The following CGNL1 variants were observed in gnomAD, a reference collection of about 807,000 sequenced individuals.
The protein encoded by CGNL1 is cingulin-like protein 1.
A neutral mutation model predicts 141.2 loss-of-function variants in CGNL1; 132 were observed. The ratio of observed to expected loss-of-function variants is 0.93; its 90% CI spans 0.81 to 1.08. The LOEUF is 1.08. CGNL1 is among the 50% of genes least tolerant of loss of function. The pLI is 0.00. For synonymous variants in CGNL1, 690 were observed against 622.1 expected, an observed-to-expected ratio of 1.11 and a Z score of -1.63; for missense variants, 1,870 against 1,588.6, an observed-to-expected ratio of 1.18 and a Z score of -3.01.
At chr15:57,545,764 G>C (rs2032828824) in intron 17 of CGNL1, 64 bp downstream of exon 17, 1 of 1,372,210 alleles carries the variant, frequency 7.3e-7, no homozygotes, top group African/African-American at 1.4e-5. Context: ...GAGGGAGCAA[G>C]GGAGGCAAGG....
At chr15:57,434,492 A>C (rs2063081298) in intron 1 of CGNL1, among the ~76,000 whole-genome samples, 1 of 152,292 alleles carries the variant, frequency 6.6e-6, no homozygotes, top group African/African-American at 2.4e-5. Flanking sequence ...AAAGACATGA[A>C]TTTCCAAATT....
chr15:57,451,609 GT>G lies in CGNL1; in HGVS notation c.1905+13del. On this transcript the variant is annotated intron_variant, in intron 5 of 18. Coordinates refer to ENST00000281282, the MANE Select transcript of CGNL1 (RefSeq NM_032866.5). ...CTTCAACTGGAAGTCAAGGTATCTG[GT>G]TTTTCCTTTATGTTATTTTTTCCAT... 6.3e-7 allele frequency: 1 copy of G among 1,576,846 alleles called. No individual in the cohort carries two copies. Among genetic ancestry groups the G allele is most frequent in the South Asian group, 1.1e-5 (1 of 88,434 alleles).
chr15:57,440,055 G>A (rs1426247992), intron 2 of CGNL1, among the ~76,000 whole-genome samples: 1 of 151,460 alleles, frequency 6.6e-6, no homozygotes. Context: ...AATCTAAGTG[G>A]CACATTTAGT....
intron 7 of CGNL1, among the ~76,000 whole-genome samples, chr15:57,455,897 C>G (rs1434455676): frequency 6.6e-6 from 1 of 152,112 alleles, no homozygotes; most frequent in Non-Finnish European, 1.5e-5. Context: ...TTTTCTTAAA[C>G]CTGTTCGTGA....
At chr15:57,442,201 A>AAAAAAAAAAAAAAAAAAAAAAAAAC (rs2063197881) in intron 3 of CGNL1, among the ~76,000 whole-genome samples, 172 bp from the exon 4 acceptor site, 1 of 138,566 alleles carries the variant, frequency 7.2e-6, no homozygotes, top group African/African-American at 2.6e-5. Flanking sequence ...AAAAAAAAAA[A>AAAAAAAAAAAAAAAAAAAAAAAAAC]AAGACACCAT....
At chr15:57,479,288 C>CA (rs2152357948) in intron 8 of CGNL1, among the ~76,000 whole-genome samples, 1 of 152,202 alleles carries the variant, frequency 6.6e-6, no homozygotes, top group South Asian at 2.1e-4. Context: ...AAAAAGGGGT[C>CA]ATGGGAAAGG....
At chr15:57,432,058 G>C (rs530447487) in intron 1 of CGNL1, among the ~76,000 whole-genome samples, 1 of 152,324 alleles carries the variant, frequency 6.6e-6, no homozygotes, top group South Asian at 2.1e-4. Flanking sequence ...TGGTAAAATA[G>C]AATTACTTGT....
At chr15:57,540,932 T>C (rs564377270) in intron 14 of CGNL1, among the ~76,000 whole-genome samples, 87 of 152,338 alleles carry the variant, frequency 5.7e-4, no homozygotes, top group African/African-American at 1.9e-3. Flanking sequence ...CAATGTGGGT[T>C]TTCCCCAGGG....
At chr15:57,478,489 C>T (rs2063684802) in intron 8 of CGNL1, among the ~76,000 whole-genome samples, 1 of 152,214 alleles carries the variant, frequency 6.6e-6, no homozygotes, top group Non-Finnish European at 1.5e-5. Context: ...ATGGGATCCT[C>T]TCACTGTAGA....
chr15:57,498,030 G>A (rs2063966817), intron 8 of CGNL1, among the ~76,000 whole-genome samples: 1 of 152,126 alleles, frequency 6.6e-6, no homozygotes, highest in African/African-American at 2.4e-5. Flanking sequence ...ACTGTGGCAT[G>A]TGCTGTTTTT....
chr15:57,446,336 G>C (rs2063251071), intron 4 of CGNL1, among the ~76,000 whole-genome samples: 1 of 152,138 alleles, frequency 6.6e-6, no homozygotes, highest in African/African-American at 2.4e-5. Flanking sequence ...CCATCACCCA[G>C]GTTTCCTGGG....
At chr15:57,458,345 A>G (rs1234031481) in intron 7 of CGNL1, among the ~76,000 whole-genome samples, 5 of 152,206 alleles carry the variant, frequency 3.3e-5, no homozygotes, top group African/African-American at 1.2e-4. Flanking sequence ...AGTTTATGAA[A>G]CATCGTGTAC....
chr15:57,442,128 A>G (rs2063194960), intron 3 of CGNL1, among the ~76,000 whole-genome samples: 1 of 146,620 alleles, frequency 6.8e-6, no homozygotes, highest in Non-Finnish European at 1.5e-5. Flanking sequence ...TGCCTCTCAC[A>G]TATTTGCAAG....
intron 1 of CGNL1, among the ~76,000 whole-genome samples, chr15:57,410,606 A>T (rs957229724): frequency 9.2e-5 from 14 of 152,174 alleles, no homozygotes; most frequent in Non-Finnish European, 1.5e-5. Context: ...TGTGTGTAGC[A>T]GGGAGGGAGG....
At chr15:57,398,916 T>C (rs1371810432) in intron 1 of CGNL1, among the ~76,000 whole-genome samples, 1 of 152,214 alleles carries the variant, frequency 6.6e-6, no homozygotes, top group Non-Finnish European at 1.5e-5. Flanking sequence ...AAATTTATTA[T>C]TTTGAAAATC....
At chr15:57,440,871 A>G (rs1236817121) in intron 3 of CGNL1, among the ~76,000 whole-genome samples, 1 of 152,104 alleles carries the variant, frequency 6.6e-6, no homozygotes, top group African/African-American at 2.4e-5. Context: ...CAGAGTTAAC[A>G]TTGGCCAAGA....
At chr15:57,519,714 C>T (rs1168580958) in intron 10 of CGNL1, among the ~76,000 whole-genome samples, 1 of 152,016 alleles carries the variant, frequency 6.6e-6, no homozygotes, top group African/African-American at 2.4e-5. Flanking sequence ...TTACTGTTAC[C>T]CAACCTGGCT....
chr15:57,521,726 T>A (rs1340468255), intron 10 of CGNL1, among the ~76,000 whole-genome samples: 1 of 152,142 alleles, frequency 6.6e-6, no homozygotes, highest in African/African-American at 2.4e-5. Context: ...CAGCCCTGCC[T>A]GAGCCAAGAG....
intron 8 of CGNL1, among the ~76,000 whole-genome samples, chr15:57,497,121 T>C (rs1346733900): frequency 6.6e-6 from 1 of 152,170 alleles, no homozygotes; most frequent in African/African-American, 2.4e-5. Flanking sequence ...GGGACTGATA[T>C]CCCAGCTGGT....
Sources: gnomAD v4.1 joint callset for allele counts (sites outside exome capture counted in the v4.1 genomes callset) on GRCh38, gnomAD v4.1.1 for gene constraint, MANE v1.5 for transcripts, NCBI Gene and HGNC (gene_info 2026-07-23, HGNC 2026-07-21) for gene names.